Variants in PTK2 observed in about 807,000 individuals in gnomAD.
PTK2 encodes focal adhesion kinase 1.
Under a neutral mutation model 150.1 loss-of-function variants are expected in PTK2, and 45 were observed. That is an observed-to-expected ratio of 0.30 (90% CI 0.24 to 0.38). The LOEUF is 0.38. Ranked by LOEUF, PTK2 falls within the 10% of genes least tolerant of loss-of-function variation. The pLI is 1.00. For missense variants in PTK2, 919 were observed against 1,307.3 expected, an observed-to-expected ratio of 0.70 and a Z score of 4.58; for synonymous variants, 432 against 449.2, an observed-to-expected ratio of 0.96 and a Z score of 0.48.
At chr8:140,793,246 T>A (rs1456186482) in intron 13 of PTK2, 108 bp downstream of exon 13, 6 of 1,187,250 alleles carry the variant, frequency 5.1e-6, no homozygotes, top group Non-Finnish European at 3.5e-6. Context: ...AGTTCCTTGA[T>A]CATGTATATT....
intron 2 of PTK2, among the ~76,000 whole-genome samples, chr8:140,891,616 T>G (rs919029563): frequency 1.3e-5 from 2 of 152,090 alleles, no homozygotes; most frequent in African/African-American, 4.8e-5. Flanking sequence ...AGGCTACGAA[T>G]GGGAGAGAAA....
chr8:140,848,198 C>T (rs1003115954), intron 5 of PTK2, among the ~76,000 whole-genome samples: 3 of 152,320 alleles, frequency 2.0e-5, no homozygotes, highest in Admixed American at 1.3e-4. Flanking sequence ...TGCCATATCT[C>T]TTTGTTACAG....
At chr8:140,665,030 C>T (rs759856453) in intron 30 of PTK2, 33 bp from the exon 35 acceptor site, 6 of 1,567,804 alleles carry the variant, frequency 3.8e-6, no homozygotes, top group Non-Finnish European at 3.5e-6. Flanking sequence ...AATATTAGAA[C>T]ACACACAAAG....
rs1306819470 is a variant in PTK2, at chr8:140,701,073, T to C, written c.2368-51A>G. 2.6e-6 allele frequency: 4 copies of C among 1,537,656 alleles called. No individual in the cohort carries two copies. In the East Asian group the frequency reaches 6.9e-5, roughly 27 times the overall value. The stretch of plus-strand genomic sequence containing the variant: ...ATTCAGTCTCATAAGTCTATTCCTA[T>C]GCTCTTACCTTGTTTTATGTGTCTT... On this transcript the variant is annotated intron_variant, in intron 25 of 31. Transcript: ENST00000522684.
chr8:140,714,039 C>A (rs1220169084), intron 23 of PTK2, among the ~76,000 whole-genome samples: 1 of 152,012 alleles, frequency 6.6e-6, no homozygotes, highest in Admixed American at 6.6e-5. Context: ...CAGGCACACG[C>A]CACTAAATTT....
intron 1 of PTK2, among the ~76,000 whole-genome samples, chr8:140,928,781 G>C (rs1161503949): frequency 6.6e-6 from 1 of 152,050 alleles, no homozygotes; most frequent in Non-Finnish European, 1.5e-5. Context: ...CAGAGGATGA[G>C]GCTGGAAGGA....
Position 140,890,444 on chromosome 8 carries a change from T to C in PTK2, c.195+99A>G, listed in dbSNP as rs537231732. The C allele has an allele frequency of 9.0e-6, 9 of 998,566 alleles. No individual in the cohort carries two copies. The African/African-American group carries it at 1.3e-4, about 15-fold the overall frequency. The allele number at this position is 998,566 out of a possible 1,614,324, so 61.9% of individuals were successfully genotyped here. ...TTTCTGTAATATGAAAAGTCCCCGA[T>C]AAGTTAAATAAAAATTATTACACTA... On this transcript the variant is annotated intron_variant, in intron 3 of 31. Coordinates refer to ENST00000522684, the Ensembl canonical transcript of PTK2.
intron 1 of PTK2, among the ~76,000 whole-genome samples, chr8:140,942,271 G>A (rs1382247407): frequency 6.6e-6 from 1 of 152,142 alleles, no homozygotes; most frequent in African/African-American, 2.4e-5. Context: ...TGGAGCTGAA[G>A]ACTGCATAGT....
intron 2 of PTK2, among the ~76,000 whole-genome samples, chr8:140,916,680 G>T (rs1392337322): frequency 6.6e-6 from 1 of 152,130 alleles, no homozygotes; most frequent in African/African-American, 2.4e-5. Flanking sequence ...TCTGAGAGTA[G>T]AAGACATGGT....
At chr8:140,775,763 G>A (rs2100078052) in intron 14 of PTK2, among the ~76,000 whole-genome samples, 1 of 152,116 alleles carries the variant, frequency 6.6e-6, no homozygotes, top group Non-Finnish European at 1.5e-5. Context: ...CTTGAAGTCA[G>A]TAATCTAATT....
chr8:140,843,265 T>C (rs1262802749), intron 7 of PTK2, among the ~76,000 whole-genome samples: 1 of 152,160 alleles, frequency 6.6e-6, no homozygotes, highest in Non-Finnish European at 1.5e-5. Flanking sequence ...CCTGCTTTTC[T>C]TTCTTTAACT....
intron 22 of PTK2, among the ~76,000 whole-genome samples, chr8:140,731,256 G>A (rs1191507934): frequency 2.0e-5 from 3 of 151,960 alleles, no homozygotes; most frequent in South Asian, 2.1e-4. Flanking sequence ...CACTGCGCCC[G>A]GCTAAATGAT....
intron 2 of PTK2, among the ~76,000 whole-genome samples, chr8:140,915,227 G>C (rs960189056): frequency 1.1e-4 from 16 of 151,966 alleles, no homozygotes; most frequent in Non-Finnish European, 1.5e-5. Flanking sequence ...AGACAGAACA[G>C]GGATGGGGGT....
At chr8:140,989,025 C>G (rs1267508324) in intron 1 of PTK2, among the ~76,000 whole-genome samples, 1 of 151,400 alleles carries the variant, frequency 6.6e-6, no homozygotes, top group East Asian at 1.9e-4. Context: ...AAAGGAGGAA[C>G]TATAAAGGAA....
chr8:140,673,942 A>G (rs1273098363), intron 29 of PTK2, among the ~76,000 whole-genome samples: 1 of 152,188 alleles, frequency 6.6e-6, no homozygotes, highest in Non-Finnish European at 1.5e-5. Flanking sequence ...ACTTACCCCA[A>G]GCATCCTGGT....
chr8:140,908,289 G>A (rs1364042777), intron 2 of PTK2, among the ~76,000 whole-genome samples: 2 of 152,176 alleles, frequency 1.3e-5, no homozygotes. Flanking sequence ...GCTACAGAAG[G>A]AAAGCCTGAA....
intron 13 of PTK2, among the ~76,000 whole-genome samples, chr8:140,790,112 G>A (rs1235423500): frequency 6.6e-6 from 1 of 152,114 alleles, no homozygotes; most frequent in Non-Finnish European, 1.5e-5. Flanking sequence ...TTGGCCAAAA[G>A]TCTTGGTGCC....
At chr8:140,741,893 C>T (rs946979596) in intron 20 of PTK2, among the ~76,000 whole-genome samples, 2 of 152,144 alleles carry the variant, frequency 1.3e-5, no homozygotes, top group African/African-American at 4.8e-5. Context: ...AATCCCAGCA[C>T]TTTGTGAGGC....
Position 140,801,057 on chromosome 8 carries a change from C to T in PTK2, c.976-481G>A, listed in dbSNP as rs1428498983. On this transcript the variant is annotated intron_variant, in intron 11 of 31. Coordinates refer to ENST00000522684, the Ensembl canonical transcript of PTK2. The stretch of plus-strand genomic sequence containing the variant: ...CGCCCAAGGGCTTAGAAATCATTCT[C>T]TTTCCAATATAAAATTTGATATTGT... Among the ~76,000 whole-genome samples the T allele has an allele frequency of 2.6e-5, 4 of 152,226 alleles. No individual in the cohort carries two copies. In the East Asian group the frequency reaches 7.7e-4, roughly 29 times the overall value.
Sources: allele counts gnomAD v4.1 joint callset (sites outside exome capture counted in the v4.1 genomes callset), GRCh38; gene constraint gnomAD v4.1.1; transcripts MANE v1.5; gene names NCBI Gene and HGNC (gene_info 2026-07-23, HGNC 2026-07-21).